BACH2: variants seen among roughly 807,000 people sequenced by gnomAD.
BACH2 encodes the protein BACH transcriptional regulator 2.
Under a neutral mutation model 61.8 loss-of-function variants are expected in BACH2, and 5 were observed. The observed-to-expected ratio is 0.08, with a 90% CI of 0.04 to 0.17. The LOEUF (loss-of-function observed/expected upper bound fraction) is 0.17, where lower values mean the gene tolerates loss of function less well. Among genes scored for constraint, BACH2 ranks in the 10% least tolerant of loss-of-function variants. The pLI is 1.00. For synonymous variants in BACH2, 446 were observed against 440.1 expected (o/e 1.01, Z -0.17); for missense variants, 824 against 1,091.1 (o/e 0.76, Z 3.45).
intron 5 of BACH2, among the ~76,000 whole-genome samples, chr6:90,011,930 A>AAATG (rs1491345075): frequency 7.1e-5 from 7 of 98,678 alleles, no homozygotes; most frequent in Non-Finnish European, 1.1e-4. Flanking sequence ...AAAAAAAAAA[A>AAATG]TATGTGTGTG....
At chr6:90,072,000 C>G (rs976406351) in intron 5 of BACH2, among the ~76,000 whole-genome samples, 3 of 151,842 alleles carry the variant, frequency 2.0e-5, no homozygotes, top group African/African-American at 7.3e-5. Context: ...GTGGCAGAGG[C>G]AGAAGGGGTG....
At chr6:90,265,578 C>T (rs1051926098) in intron 2 of BACH2, among the ~76,000 whole-genome samples, 7 of 152,182 alleles carry the variant, frequency 4.6e-5, no homozygotes, top group African/African-American at 1.4e-4. Flanking sequence ...ATAAACACCA[C>T]GCTGCAGAAC....
chr6:90,243,191 G>C (rs1159657867), intron 3 of BACH2, among the ~76,000 whole-genome samples: 4 of 151,594 alleles, frequency 2.6e-5, no homozygotes, highest in Non-Finnish European at 2.9e-5. Flanking sequence ...AATGTGCCCG[G>C]CCCAAATTAT....
At chr6:90,232,029 C>A (rs911843879) in intron 3 of BACH2, among the ~76,000 whole-genome samples, 8 of 152,074 alleles carry the variant, frequency 5.3e-5, no homozygotes, top group Non-Finnish European at 1.2e-4. Context: ...CAACCGTTAT[C>A]TAAACCTTTT....
intron 6 of BACH2, among the ~76,000 whole-genome samples, chr6:89,955,551 G>A (rs1774381468): frequency 1.3e-5 from 2 of 152,042 alleles, no homozygotes; most frequent in African/African-American, 4.8e-5. Context: ...CTGTCACAAG[G>A]GTCCCTCCCA....
chr6:89,947,048 G>T (rs1002208063), intron 7 of BACH2, among the ~76,000 whole-genome samples: 2 of 152,156 alleles, frequency 1.3e-5, no homozygotes, highest in Non-Finnish European at 2.9e-5. Flanking sequence ...CTACGGGGTG[G>T]AGGAAGACAG....
intron 1 of BACH2, among the ~76,000 whole-genome samples, chr6:90,293,150 T>C (rs1010819045): frequency 6.6e-6 from 1 of 152,250 alleles, no homozygotes; most frequent in African/African-American, 2.4e-5. Context: ...AGGGGGCCTA[T>C]GTAACTGCAC....
chr6:90,099,801 C>T (rs1275221252), intron 4 of BACH2, among the ~76,000 whole-genome samples: 3 of 152,024 alleles, frequency 2.0e-5, no homozygotes, highest in African/African-American at 7.2e-5. Flanking sequence ...TCATACAATT[C>T]ACACCTTTAA....
intron 5 of BACH2, among the ~76,000 whole-genome samples, chr6:90,031,992 T>C (rs1305684138): frequency 6.6e-6 from 1 of 152,222 alleles, no homozygotes; most frequent in Non-Finnish European, 1.5e-5. Flanking sequence ...AGCATGGTAC[T>C]GGTACCAAGA....
intron 6 of BACH2, among the ~76,000 whole-genome samples, chr6:89,974,446 A>G (rs1287182466): frequency 2.0e-5 from 3 of 152,232 alleles, no homozygotes; most frequent in Admixed American, 6.5e-5. Flanking sequence ...TATGCAAAAG[A>G]TAAAACAGAG....
chr6:90,160,847 T>C (rs1197166598), intron 4 of BACH2, among the ~76,000 whole-genome samples: 3 of 152,042 alleles, frequency 2.0e-5, no homozygotes, highest in Admixed American at 1.3e-4. Context: ...TCCCAGCACT[T>C]TGGGAGGCCG....
At chr6:89,955,863 A>G (rs780347732) in intron 6 of BACH2, among the ~76,000 whole-genome samples, 1 of 151,976 alleles carries the variant, frequency 6.6e-6, no homozygotes, top group Non-Finnish European at 1.5e-5. Flanking sequence ...GGCTCTAATA[A>G]TGGGAAAAAA....
At position 89,932,665 on chromosome 6, in the gene BACH2, C is replaced by A. The variant is rs768240230; in HGVS notation, c.2269G>T (p.Ala757Ser). ...TTTTCCCCCACTGCGCATTGGGAGG[C>A]CGCAATGTTCTGCTCAGCACCCAAG... ...APLGAEQNIA[A>S]SQCAVGENVP... Residue 757 changes from alanine to serine, a missense_variant, in exon 9 of 9, where the codon GCC becomes TCC. Ala to Ser is a moderately conservative substitution (Grantham distance 99). Transcript: ENST00000257749. 6.2e-7 allele frequency: 1 copy of A among 1,614,148 alleles called. No individual in the cohort carries two copies. The highest frequency in any genetic ancestry group is 8.5e-7 in the Non-Finnish European group (1 of 1,180,030).
intron 4 of BACH2, among the ~76,000 whole-genome samples, chr6:90,139,988 G>A (rs980762980): frequency 9.9e-5 from 15 of 152,060 alleles, no homozygotes; most frequent in Admixed American, 2.6e-4. Context: ...AGGATGATAC[G>A]GAGCTTCCTC....
At chr6:89,947,624 G>A (rs1437937907) in intron 7 of BACH2, among the ~76,000 whole-genome samples, 1 of 151,406 alleles carries the variant, frequency 6.6e-6, no homozygotes, top group South Asian at 2.1e-4. Flanking sequence ...GGAGTGCAGC[G>A]GCGCGATCTC....
chr6:90,205,517 C>CA (rs1389947208), intron 4 of BACH2, among the ~76,000 whole-genome samples: 6 of 152,108 alleles, frequency 3.9e-5, no homozygotes, highest in East Asian at 1.9e-4. Flanking sequence ...GGGGATGCTA[C>CA]AAAAAATCCT....
Position 89,926,661 on chromosome 6 carries a change from G to A in BACH2, c.*5747C>T, listed in dbSNP as rs1430469557. On this transcript the variant is annotated 3_prime_UTR_variant, in exon 9 of 9. Transcript: ENST00000257749. Reference sequence around the variant, plus strand: ...AATAGTGTATTTACAATGAGTAAATGAAGTTTCAATTCATTAGTTCATAGC... The same window carrying A: ...AATAGTGTATTTACAATGAGTAAATAAAGTTTCAATTCATTAGTTCATAGC... 6.6e-6 allele frequency: 1 copy of A among 152,582 alleles called. No individual in the cohort carries two copies. The highest frequency in any genetic ancestry group is 2.4e-5 in the African/African-American group (1 of 41,338). 9.5% of individuals were successfully genotyped at this position (152,582 alleles called of 1,614,324 possible).
At chr6:90,268,442 C>T (rs62408234) in intron 2 of BACH2, among the ~76,000 whole-genome samples, 17,772 of 152,204 alleles carry the variant, frequency 0.12, 1,370 homozygotes, top group Middle Eastern at 0.17. Context: ...CAGTGCAACT[C>T]GAACTGGACT....
At chr6:89,979,212 T>C (rs1308478675) in intron 6 of BACH2, among the ~76,000 whole-genome samples, 2 of 152,238 alleles carry the variant, frequency 1.3e-5, no homozygotes, top group African/African-American at 2.4e-5. Context: ...CAGGGCTTAG[T>C]GATCTGGTTT....
Sources: gnomAD v4.1 joint callset for allele counts (sites outside exome capture counted in the v4.1 genomes callset) on GRCh38, gnomAD v4.1.1 for gene constraint, MANE v1.5 for transcripts, NCBI Gene and HGNC (gene_info 2026-07-23, HGNC 2026-07-21) for gene names.